The following DLC1 variants were observed in gnomAD, a reference collection of about 807,000 sequenced individuals.
DLC1 encodes rho GTPase-activating protein 7.
DLC1 carries 54 observed loss-of-function variants against 140.3 expected under a neutral mutation model. That is an observed-to-expected ratio of 0.38 (90% CI 0.31 to 0.48). The LOEUF is 0.48. Ranked by LOEUF, DLC1 falls within the 20% of genes least tolerant of loss-of-function variation. The pLI, the probability that DLC1 is intolerant of heterozygous loss-of-function variation, is 0.96. For missense variants in DLC1, 2,536 were observed against 1,907.0 expected (o/e 1.33, Z -6.14); for synonymous variants, 986 against 728.1 (o/e 1.35, Z -5.70).
At chr8:13,274,212 G>C (rs1375151477) in intron 5 of DLC1, among the ~76,000 whole-genome samples, 1 of 152,158 alleles carries the variant, frequency 6.6e-6, no homozygotes, top group Non-Finnish European at 1.5e-5. Context: ...GGAAGCAAGT[G>C]CTCTTGAGGT....
intron 2 of DLC1, among the ~76,000 whole-genome samples, chr8:13,471,047 G>C (rs992846410): frequency 6.6e-6 from 1 of 151,870 alleles, no homozygotes; most frequent in Non-Finnish European, 1.5e-5. Flanking sequence ...CACACAGACA[G>C]ATACTGCATG....
intron 7 of DLC1, among the ~76,000 whole-genome samples, chr8:13,105,985 C>T (rs1398212440): frequency 6.6e-6 from 1 of 152,198 alleles, no homozygotes; most frequent in Non-Finnish European, 1.5e-5. Flanking sequence ...GTAACCCATC[C>T]GTCCAGAAGC....
chr8:13,451,571 C>A (rs951074133), intron 2 of DLC1, among the ~76,000 whole-genome samples: 1 of 152,120 alleles, frequency 6.6e-6, no homozygotes, highest in African/African-American at 2.4e-5. Flanking sequence ...TCCATGAATT[C>A]GATGGCTTTG....
intron 1 of DLC1, among the ~76,000 whole-genome samples, chr8:13,509,379 C>T (rs1001868102): frequency 7.2e-5 from 11 of 152,154 alleles, no homozygotes; most frequent in Admixed American, 5.2e-4. Flanking sequence ...TTAATTACTT[C>T]TGTTAGCTTG....
chr8:13,357,179 A>C (rs1021107440), intron 4 of DLC1, among the ~76,000 whole-genome samples: 3 of 152,146 alleles, frequency 2.0e-5, no homozygotes, highest in Non-Finnish European at 4.4e-5. Flanking sequence ...GCCAAGGCCC[A>C]GGAATCGCTT....
chr8:13,461,727 G>T (rs1158879862), intron 2 of DLC1, among the ~76,000 whole-genome samples: 1 of 152,082 alleles, frequency 6.6e-6, no homozygotes, highest in Non-Finnish European at 1.5e-5. Flanking sequence ...TACAGGATAG[G>T]GAACAGATTC....
chr8:13,364,595 C>A (rs139007279), intron 4 of DLC1, among the ~76,000 whole-genome samples: 20 of 152,280 alleles, frequency 1.3e-4, no homozygotes, highest in African/African-American at 4.6e-4. Flanking sequence ...CCACAGCAGG[C>A]CTGCATAATG....
chr8:13,091,105 G>C (rs1406701776), intron 14 of DLC1, among the ~76,000 whole-genome samples: 1 of 152,118 alleles, frequency 6.6e-6, no homozygotes, highest in African/African-American at 2.4e-5. Flanking sequence ...ACTGCGCCCG[G>C]CTGCTTTTCC....
chr8:13,555,732 C>T (rs770661128), intron 1 of DLC1, among the ~76,000 whole-genome samples: 5 of 151,756 alleles, frequency 3.3e-5, no homozygotes, highest in Non-Finnish European at 5.9e-5. Context: ...AAACTCCTGG[C>T]CTCAAGTGAT....
intron 2 of DLC1, among the ~76,000 whole-genome samples, chr8:13,442,051 A>G (rs571827508): frequency 5.3e-5 from 8 of 152,220 alleles, no homozygotes; most frequent in African/African-American, 1.7e-4. Context: ...ATAATGCTGC[A>G]TATCTACAAC....
intron 5 of DLC1, among the ~76,000 whole-genome samples, chr8:13,143,910 C>A (rs950478910): frequency 2.0e-5 from 3 of 151,674 alleles, no homozygotes; most frequent in Non-Finnish European, 4.4e-5. Context: ...GAGTTTTCCC[C>A]GGGCAGGCAC....
chr8:13,394,763 A>G (rs1305784872), intron 3 of DLC1, among the ~76,000 whole-genome samples: 2 of 151,996 alleles, frequency 1.3e-5, no homozygotes, highest in Non-Finnish European at 2.9e-5. Context: ...CCTCCTCTTG[A>G]TAATTTCTTT....
intron 4 of DLC1, among the ~76,000 whole-genome samples, chr8:13,361,028 C>G (rs1215404279): frequency 1.3e-5 from 2 of 151,976 alleles, no homozygotes; most frequent in African/African-American, 2.4e-5. Flanking sequence ...CTCAGGAGTT[C>G]AAGTCCAGCT....
In DLC1 at chr8:13,098,570, C is replaced by T. The variant is rs770571815; in HGVS notation, c.2996G>A (p.Arg999Gln). 7.4e-6 allele frequency: 12 copies of T among 1,613,200 alleles called. No individual in the cohort carries two copies. Among genetic ancestry groups the T allele is most frequent in the Non-Finnish European group, 9.3e-6 (11 of 1,179,624 alleles). The change falls in exon 10 of 18, where the codon CGA becomes CAA. Residue 999 changes from arginine to glutamine, a missense_variant. By Grantham distance (43) the Arg-to-Gln change is conservative (BLOSUM62 1). Transcript: ENST00000276297. Reference protein sequence around the residue: ...GASLTRSNRHRLRWHSFQSSH... With the variant: ...GASLTRSNRHQLRWHSFQSSH... ...GCTCTGGAAACTGTGCCATCTCAGT[C>T]GGTGCCTGCGAGAGAAGAGGAGAGG... is the stretch of plus-strand genomic sequence containing the variant.
At chr8:13,383,950 A>G (rs1836390337) in intron 4 of DLC1, among the ~76,000 whole-genome samples, 1 of 152,202 alleles carries the variant, frequency 6.6e-6, no homozygotes, top group Non-Finnish European at 1.5e-5. Context: ...ACATGCGTGG[A>G]ACTGTGAGAT....
At chr8:13,381,938 C>A (rs1437288848) in intron 4 of DLC1, among the ~76,000 whole-genome samples, 4 of 151,986 alleles carry the variant, frequency 2.6e-5, no homozygotes, top group Non-Finnish European at 5.9e-5. Flanking sequence ...GGATGCTAGA[C>A]AGATGGAAAC....
intron 5 of DLC1, among the ~76,000 whole-genome samples, chr8:13,147,528 G>A (rs1027884856): frequency 1.3e-5 from 2 of 152,144 alleles, no homozygotes; most frequent in African/African-American, 4.8e-5. Context: ...CACAGTTCTG[G>A]AGCGGGCAGG....
intron 4 of DLC1, among the ~76,000 whole-genome samples, chr8:13,313,272 CTCA>C (rs1429218511): frequency 1.3e-5 from 2 of 152,132 alleles, no homozygotes; most frequent in Non-Finnish European, 2.9e-5. Context: ...AAGCCAAGTA[CTCA>C]CTACCTACAC....
chr8:13,120,356 A>ATATAT (rs1554577889), intron 5 of DLC1, among the ~76,000 whole-genome samples: 1 of 61,124 alleles, frequency 1.6e-5, no homozygotes, highest in East Asian at 7.2e-4. Flanking sequence ...AAAAAAAAAA[A>ATATAT]ATATATATAT....
Sources: gnomAD v4.1 joint callset for allele counts (sites outside exome capture counted in the v4.1 genomes callset) on GRCh38, gnomAD v4.1.1 for gene constraint, MANE v1.5 for transcripts, NCBI Gene and HGNC (gene_info 2026-07-23, HGNC 2026-07-21) for gene names.